GATB: variants seen among roughly 807,000 people sequenced by gnomAD.
The protein encoded by GATB is glutamyl-tRNA(Gln) amidotransferase subunit B, mitochondrial.
A neutral mutation model predicts 62.3 loss-of-function variants in GATB; 39 were observed. That is an observed-to-expected ratio of 0.63 (90% CI 0.48 to 0.82). The LOEUF is 0.82. GATB is among the 40% of genes least tolerant of loss of function. The pLI, the probability that GATB is intolerant of heterozygous loss-of-function variation, is 0.00. For missense variants in GATB, 670 were observed against 684.0 expected, an observed-to-expected ratio of 0.98 and a Z score of 0.23; for synonymous variants, 276 against 258.9, an observed-to-expected ratio of 1.07 and a Z score of -0.63.
intron 5 of GATB, among the ~76,000 whole-genome samples, chr4:151,712,160 TC>T (rs1437916675): frequency 1.3e-5 from 2 of 152,176 alleles, no homozygotes; most frequent in African/African-American, 4.8e-5. Context: ...AAGACTACAC[TC>T]CATAAATACC....
chr4:151,671,194 C>T lies in GATB; in HGVS notation c.1654G>A (p.Glu552Lys), dbSNP rs770581517. The change falls in exon 13 of 13, where the codon GAG (glutamate) becomes AAG (lysine). Residue 552 changes from glutamate (E) to lysine (K), a missense_variant. Glu to Lys is a moderately conservative substitution (Grantham distance 56). Transcript: ENST00000263985. ...ADPVMIKEILEKKLSL is the reference protein window; with the variant it reads ...ADPVMIKEILKKKLSL ...ACATCTCACAATGACAGCTTCTTCT[C>T]CAGGATCTCCTTTATCATGACTGGA... The T allele has an allele frequency of 6.2e-7, 1 of 1,614,182 alleles. No individual in the cohort carries two copies. Among genetic ancestry groups the T allele is most frequent in the Admixed American group, 1.7e-5 (1 of 60,024 alleles).
intron 9 of GATB, among the ~76,000 whole-genome samples, chr4:151,694,337 A>G (rs1021311787): frequency 3.9e-5 from 6 of 151,928 alleles, no homozygotes; most frequent in African/African-American, 1.5e-4. Flanking sequence ...CTGTCTCCCT[A>G]CTGGGCAGGA....
rs1159280871 is a variant in GATB, at chr4:151,758,797, T to G, written c.302A>C (p.Asp101Ala). 2.5e-6 allele frequency: 4 copies of G among 1,602,936 alleles called. No individual in the cohort carries two copies. The African/African-American group carries it at 5.4e-5, about 21-fold the overall frequency. ...APPNSLVSFF[D>A]ASLPGTLPVL... ...CGGCAAAGTTCCAGGTAGAGATGCA[T>G]CAAAAAAAGAAACCAAAGAATTTGG... is the stretch of plus-strand genomic sequence containing the variant. The change falls in exon 2 of 13, where the codon GAT (aspartate) becomes GCT (alanine). Residue 101 changes from aspartate to alanine, a missense_variant. Transcript: ENST00000263985.
At position 151,758,880 on chromosome 4, in the gene GATB, G is replaced by A; in HGVS notation, c.219C>T (p.Ala73=). 6.2e-7 allele frequency: 1 copy of A among 1,610,090 alleles called. No individual in the cohort carries two copies. The highest frequency in any genetic ancestry group is 8.5e-7 in the Non-Finnish European group (1 of 1,177,610). ...AGAGTTTAGAGTTGGAGGAAATCTG[G>A]GCATGAATTTCCAAACCTACCACAG... ...WAAVVGLEIH[A]QISSNSKLFS... Residue 73 remains alanine, a synonymous_variant, in exon 2 of 13, where the codon GCC becomes GCT. Transcript: ENST00000263985.
intron 2 of GATB, among the ~76,000 whole-genome samples, chr4:151,737,588 A>T (rs1487998087): frequency 1.3e-5 from 2 of 152,224 alleles, no homozygotes; most frequent in Non-Finnish European, 2.9e-5. Context: ...TTAATCCCCA[A>T]GACAGGGGGA....
chr4:151,719,718 T>C (rs1738990214), intron 2 of GATB, 180 bp from the exon 3 acceptor site: 1 of 481,160 alleles, frequency 2.1e-6, no homozygotes, highest in Non-Finnish European at 3.6e-6. Context: ...CAGGGAAGGA[T>C]ATAAAGAAGA....
intron 2 of GATB, among the ~76,000 whole-genome samples, chr4:151,735,166 CT>C (rs1466073161): frequency 2.7e-5 from 4 of 150,856 alleles, no homozygotes; most frequent in African/African-American, 9.8e-5. Context: ...GGGAGAAAAT[CT>C]TCACAATCTA....
At chr4:151,714,821 T>C (rs1313952060) in intron 5 of GATB, among the ~76,000 whole-genome samples, 2 of 152,222 alleles carry the variant, frequency 1.3e-5, no homozygotes, top group Non-Finnish European at 2.9e-5. Flanking sequence ...GCATGAGTGA[T>C]AAATCTAAAA....
rs1280670946 is a variant in GATB, at chr4:151,688,680, G to A, written c.1281C>T (p.Leu427=). 4 of 1,613,082 alleles carry A rather than the reference G, an allele frequency of 2.5e-6. No individual in the cohort carries two copies. The highest frequency in any genetic ancestry group is 3.4e-6 in the Non-Finnish European group (4 of 1,179,794). The change falls in exon 10 of 13, where the codon CTC becomes CTT. Residue 427 remains leucine, a synonymous_variant. Coordinates refer to ENST00000263985, the MANE Select transcript of GATB (RefSeq NM_004564.3). ...AEPKKVTSWV[L]NTFLGYLKQQ... is the part of the protein sequence containing the mutation. ...GCTTTAAATAGCCCAGAAAAGTGTT[G>A]AGGACCCAACTAGTCACCTTTTTTG...
intron 11 of GATB, chr4:151,676,341 G>C (rs1329831246): frequency 6.6e-6 from 1 of 152,198 alleles, no homozygotes; most frequent in Non-Finnish European, 1.5e-5. Flanking sequence ...TGTGTTAAAC[G>C]CGATTTCCAT....
intron 11 of GATB, 126 bp from the exon 12 acceptor site, chr4:151,673,022 T>C: frequency 1.6e-6 from 2 of 1,215,090 alleles, no homozygotes; most frequent in Non-Finnish European, 1.1e-6. Context: ...CCCCACTGCC[T>C]GGGCCTGGCC....
chr4:151,755,599 C>T (rs1739811607), intron 2 of GATB, among the ~76,000 whole-genome samples: 1 of 152,078 alleles, frequency 6.6e-6, no homozygotes, highest in Non-Finnish European at 1.5e-5. Flanking sequence ...AAAGTTTCTC[C>T]CCAACCCAAG....
At chr4:151,723,110 A>G (rs1739062686) in intron 2 of GATB, 1 of 152,194 alleles carries the variant, frequency 6.6e-6, no homozygotes, top group Non-Finnish European at 1.5e-5. Context: ...GAAGGCAGTA[A>G]TTTTTGGTAC....
chr4:151,671,622 G>A (rs910415155), intron 12 of GATB, among the ~76,000 whole-genome samples: 12 of 152,170 alleles, frequency 7.9e-5, no homozygotes, highest in African/African-American at 2.4e-4. Context: ...TGAGTCTGGG[G>A]AGGGATAATC....
At position 151,719,497 on chromosome 4, in the gene GATB, GC is replaced by G. The variant is rs1560855722; in HGVS notation, c.368del (p.Gly123AlafsTer4). The G allele has an allele frequency of 6.2e-7, 1 of 1,611,052 alleles. No individual in the cohort carries two copies. ...TGTTTATGTGGCAGTTCAGAGCCAGGCCTGTCATCACCGCCGCTTCTACACA... is the reference window on the plus strand; with the variant it reads ...TGTTTATGTGGCAGTTCAGAGCCAGGCTGTCATCACCGCCGCTTCTACACA... The part of the protein sequence containing the change: ...RRCVEAAVMT[G>X]LALNCHINKK... On this transcript the variant is annotated frameshift_variant, in exon 3 of 13. Coordinates refer to ENST00000263985, the MANE Select transcript of GATB (RefSeq NM_004564.3). LOFTEE classifies it high-confidence loss of function.
intron 2 of GATB, among the ~76,000 whole-genome samples, chr4:151,735,785 A>T (rs1416675573): frequency 1.5e-5 from 2 of 137,248 alleles, no homozygotes; most frequent in African/African-American, 5.8e-5. Context: ...CCATAAAAAG[A>T]AATAAATTAA....
intron 2 of GATB, among the ~76,000 whole-genome samples, chr4:151,729,848 C>G (rs899592343): frequency 6.6e-6 from 1 of 152,182 alleles, no homozygotes; most frequent in African/African-American, 2.4e-5. Flanking sequence ...GCTATTGAAA[C>G]TGATGCTGGT....
chr4:151,715,978 G>A, intron 5 of GATB, 31 bp downstream of exon 5: 13 of 1,607,016 alleles, frequency 8.1e-6, no homozygotes, highest in Non-Finnish European at 1.1e-5. Context: ...AAGGGAGAGG[G>A]AAAGAAGAAT....
chr4:151,711,191 A>G (rs1304548747), intron 5 of GATB, among the ~76,000 whole-genome samples: 1 of 152,020 alleles, frequency 6.6e-6, no homozygotes, highest in Non-Finnish European at 1.5e-5. Flanking sequence ...CATCTGAACT[A>G]TTGCAAAAGC....
Sources: gnomAD v4.1 joint callset for allele counts (sites outside exome capture counted in the v4.1 genomes callset) on GRCh38, gnomAD v4.1.1 for gene constraint, MANE v1.5 for transcripts, NCBI Gene and HGNC (gene_info 2026-07-23, HGNC 2026-07-21) for gene names.